Variants in NUBPL observed in about 807,000 individuals in gnomAD.
The protein encoded by NUBPL is NUBP iron-sulfur cluster assembly factor, mitochondrial, also known as iron-sulfur cluster transfer protein NUBPL.
In NUBPL, 31 loss-of-function variants were observed where a neutral mutation model predicts 45.7. The observed-to-expected ratio is 0.68, with a 90% CI of 0.51 to 0.92. The LOEUF is 0.92. Ranked by LOEUF, NUBPL falls within the 40% of genes least tolerant of loss-of-function variation. The pLI, the probability that NUBPL is intolerant of heterozygous loss-of-function variation, is 0.00. For missense variants in NUBPL, 401 were observed against 398.7 expected, an observed-to-expected ratio of 1.01 and a Z score of -0.05; for synonymous variants, 144 against 140.9, an observed-to-expected ratio of 1.02 and a Z score of -0.15.
chr14:31,758,092 C>T (rs1464716027), intron 6 of NUBPL, among the ~76,000 whole-genome samples: 1 of 152,130 alleles, frequency 6.6e-6, no homozygotes, highest in African/African-American at 2.4e-5. Context: ...TCAAAATGCT[C>T]ATCATGATTT....
rs572867698 is a variant in NUBPL at position 31,799,718 on chromosome 14, G to A, written c.607+11845G>A. 7.2e-5 allele frequency among the ~76,000 whole-genome samples: 11 copies of A among 152,248 alleles called. No homozygotes were observed. The East Asian group carries it at 1.7e-3, about 24-fold the overall frequency. On this transcript the variant is annotated intron_variant, in intron 7 of 10. Coordinates refer to ENST00000281081, the MANE Select transcript of NUBPL (RefSeq NM_025152.3). ...TAACAGTCATTCAAGCCTTTATCAGGTCATGCTCTTTTTGCTGGCAGAGTG... is the reference window on the plus strand; with the variant it reads ...TAACAGTCATTCAAGCCTTTATCAGATCATGCTCTTTTTGCTGGCAGAGTG...
intron 10 of NUBPL, among the ~76,000 whole-genome samples, chr14:31,858,049 G>C (rs2040653106): frequency 6.6e-6 from 1 of 152,166 alleles, no homozygotes; most frequent in African/African-American, 2.4e-5. Context: ...AGGTTTATTG[G>C]ACTTACAGTT....
intron 6 of NUBPL, among the ~76,000 whole-genome samples, chr14:31,739,362 GGCATGA>G (rs1443921094): frequency 6.6e-6 from 1 of 151,404 alleles, no homozygotes; most frequent in Non-Finnish European, 1.5e-5. Context: ...TGGGATTACA[GGCATGA>G]GCCACCGTGC....
At chr14:31,567,774 G>A (rs1555311660) in intron 3 of NUBPL, among the ~76,000 whole-genome samples, 1 of 152,184 alleles carries the variant, frequency 6.6e-6, no homozygotes, top group South Asian at 2.1e-4. Flanking sequence ...TTGACCAGCA[G>A]AATCAGCTTT....
chr14:31,776,733 A>G (rs12435286), intron 6 of NUBPL, among the ~76,000 whole-genome samples: 95,381 of 152,076 alleles, frequency 0.63, 31,656 homozygotes, highest in African/African-American at 0.86. Flanking sequence ...TTGGTCTAAT[A>G]CAGTTCCAAA....
intron 6 of NUBPL, among the ~76,000 whole-genome samples, chr14:31,760,144 T>TGAGAGAGA (rs1555335613): frequency 8.6e-5 from 3 of 34,840 alleles, no homozygotes; most frequent in African/African-American, 3.2e-4. Context: ...TGTGTGTGTG[T>TGAGAGAGA]GAGAGAGAGA....
At chr14:31,744,224 A>T (rs955053650) in intron 6 of NUBPL, among the ~76,000 whole-genome samples, 3 of 152,250 alleles carry the variant, frequency 2.0e-5, no homozygotes, top group African/African-American at 7.2e-5. Context: ...GTAGACATGA[A>T]TATAAAGAAC....
chr14:31,771,561 A>G (rs183001017), intron 6 of NUBPL, among the ~76,000 whole-genome samples: 1 of 152,328 alleles, frequency 6.6e-6, no homozygotes, highest in African/African-American at 2.4e-5. Context: ...GACTAGGAAC[A>G]TGACTTGAGT....
intron 4 of NUBPL, among the ~76,000 whole-genome samples, chr14:31,600,757 A>T (rs2034411126): frequency 6.6e-6 from 1 of 151,416 alleles, no homozygotes; most frequent in African/African-American, 2.4e-5. Flanking sequence ...CTTTAGTTTA[A>T]TTAGATCCCA....
chr14:31,757,551 G>A (rs1036987357), intron 6 of NUBPL, among the ~76,000 whole-genome samples: 10 of 151,990 alleles, frequency 6.6e-5, no homozygotes, highest in African/African-American at 2.4e-4. Context: ...CTCTTTTCAA[G>A]GAGACTCCCT....
At chr14:31,808,944 G>C (rs1161274188) in intron 7 of NUBPL, among the ~76,000 whole-genome samples, 3 of 152,208 alleles carry the variant, frequency 2.0e-5, no homozygotes, top group Non-Finnish European at 4.4e-5. Flanking sequence ...TGTTGGACCA[G>C]CCTTGTATCC....
intron 4 of NUBPL, among the ~76,000 whole-genome samples, chr14:31,666,921 A>G (rs898025133): frequency 1.7e-4 from 26 of 152,256 alleles, no homozygotes; most frequent in African/African-American, 5.1e-4. Context: ...AGAGAGATCT[A>G]CTGTTAGTCT....
intron 8 of NUBPL, among the ~76,000 whole-genome samples, chr14:31,841,816 G>A (rs1375954205): frequency 6.7e-6 from 1 of 149,724 alleles, no homozygotes; most frequent in Admixed American, 6.7e-5. Context: ...TGAGGTAGGA[G>A]GTTAAGATTC....
At chr14:31,778,460 G>A (rs752471057) in intron 6 of NUBPL, among the ~76,000 whole-genome samples, 2 of 152,202 alleles carry the variant, frequency 1.3e-5, no homozygotes, top group Non-Finnish European at 2.9e-5. Flanking sequence ...AATGCCACTC[G>A]GGTCTTTGTT....
chr14:31,739,706 G>C (rs779433492), intron 6 of NUBPL, among the ~76,000 whole-genome samples: 84 of 152,046 alleles, frequency 5.5e-4, no homozygotes, highest in Non-Finnish European at 1.0e-3. Flanking sequence ...GTTCACTCTT[G>C]GTGCTGTACA....
At chr14:31,831,521 A>ACCATAC (rs1289089259) in intron 8 of NUBPL, among the ~76,000 whole-genome samples, 6 of 151,784 alleles carry the variant, frequency 4.0e-5, no homozygotes, top group African/African-American at 1.5e-4. Flanking sequence ...ACCATACTAT[A>ACCATAC]CTCATACTAT....
intron 6 of NUBPL, among the ~76,000 whole-genome samples, chr14:31,704,594 C>T (rs910400687): frequency 1.3e-5 from 2 of 151,806 alleles, no homozygotes; most frequent in South Asian, 2.1e-4. Context: ...ACCTGGGAGG[C>T]GGAGGTTGCT....
chr14:31,744,741 C>T (rs1292304071), intron 6 of NUBPL, among the ~76,000 whole-genome samples: 1 of 151,140 alleles, frequency 6.6e-6, no homozygotes, highest in Non-Finnish European at 1.5e-5. Context: ...CCTGCCTCAG[C>T]CTCCCAAGTT....
At chr14:31,817,581 C>T (rs2039943104) in intron 7 of NUBPL, among the ~76,000 whole-genome samples, 1 of 152,122 alleles carries the variant, frequency 6.6e-6, no homozygotes, top group Admixed American at 6.5e-5. Flanking sequence ...CCAAACTAAG[C>T]TTCATAAGCA....
Sources: gnomAD v4.1 joint callset for allele counts (sites outside exome capture counted in the v4.1 genomes callset) on GRCh38, gnomAD v4.1.1 for gene constraint, MANE v1.5 for transcripts, NCBI Gene and HGNC (gene_info 2026-07-23, HGNC 2026-07-21) for gene names.